The following KPNA3 variants were observed in gnomAD, a reference collection of about 807,000 sequenced individuals.
KPNA3 encodes the protein importin subunit alpha-4.
Under a neutral mutation model 73.8 loss-of-function variants are expected in KPNA3, and 13 were observed. The ratio of observed to expected loss-of-function variants is 0.18; its 90% CI spans 0.11 to 0.28. KPNA3 has a LOEUF of 0.28. KPNA3 is among the 10% of genes least tolerant of loss of function. KPNA3 has a pLI of 1.00. For synonymous variants in KPNA3, 186 were observed against 206.9 expected (o/e 0.90, Z 0.87); for missense variants, 360 against 618.1 (o/e 0.58, Z 4.43).
chr13:49,783,972 A>G (rs1954961129), intron 1 of KPNA3, among the ~76,000 whole-genome samples: 1 of 152,214 alleles, frequency 6.6e-6, no homozygotes, highest in Admixed American at 6.5e-5. Context: ...TCCAGTTTAG[A>G]CTGGGCTCAG....
At chr13:49,773,253 G>T (rs1279970552) in intron 1 of KPNA3, among the ~76,000 whole-genome samples, 1 of 152,092 alleles carries the variant, frequency 6.6e-6, no homozygotes, top group Admixed American at 6.6e-5. Flanking sequence ...GGAACTTTTG[G>T]GAAGACAGAA....
At chr13:49,703,921 C>A (rs914803192) in intron 15 of KPNA3, among the ~76,000 whole-genome samples, 3 of 152,132 alleles carry the variant, frequency 2.0e-5, no homozygotes, top group African/African-American at 7.2e-5. Flanking sequence ...TATCCTATTA[C>A]TCCTATAGAC....
chr13:49,720,867 A>T (rs1472093511), intron 9 of KPNA3, among the ~76,000 whole-genome samples: 3 of 152,112 alleles, frequency 2.0e-5, no homozygotes, highest in South Asian at 4.1e-4. Context: ...TGTTTTAATT[A>T]GTAGATTTAA....
chr13:49,712,044 C>T (rs1254443031), intron 10 of KPNA3, among the ~76,000 whole-genome samples: 2 of 152,146 alleles, frequency 1.3e-5, no homozygotes, highest in African/African-American at 4.8e-5. Flanking sequence ...AGCCCACCTA[C>T]CAGCCCATTT....
intron 1 of KPNA3, among the ~76,000 whole-genome samples, chr13:49,753,472 TAGAG>T (rs1412676987): frequency 1.3e-5 from 2 of 152,192 alleles, no homozygotes; most frequent in Non-Finnish European, 2.9e-5. Context: ...AAGAATCTAA[TAGAG>T]AATGGTCACC....
chr13:49,769,120 T>C (rs1410371264), intron 1 of KPNA3, among the ~76,000 whole-genome samples: 4 of 151,914 alleles, frequency 2.6e-5, no homozygotes, highest in African/African-American at 9.7e-5. Context: ...TTTGTCCAGA[T>C]ATTATCATTG....
At chr13:49,755,665 C>T (rs1213884303) in intron 1 of KPNA3, among the ~76,000 whole-genome samples, 1 of 152,150 alleles carries the variant, frequency 6.6e-6, no homozygotes, top group Non-Finnish European at 1.5e-5. Context: ...GTGGTGCACA[C>T]CTGTAGTCCC....
intron 2 of KPNA3, among the ~76,000 whole-genome samples, chr13:49,743,578 C>T (rs1401289308): frequency 2.1e-5 from 2 of 94,212 alleles, no homozygotes; most frequent in East Asian, 2.7e-4. Flanking sequence ...TAATGTTAGC[C>T]AAAAAAAAAA....
At chr13:49,755,549 C>A (rs1428593828) in intron 1 of KPNA3, among the ~76,000 whole-genome samples, 1 of 152,186 alleles carries the variant, frequency 6.6e-6, no homozygotes, top group Non-Finnish European at 1.5e-5. Flanking sequence ...GTAATCCCAG[C>A]ACTTTGGGAG....
chr13:49,720,324 T>C (rs1402095232), intron 9 of KPNA3, among the ~76,000 whole-genome samples: 2 of 152,208 alleles, frequency 1.3e-5, no homozygotes, highest in Admixed American at 1.3e-4. Flanking sequence ...AGTACAAAGC[T>C]TTGCTTGTTA....
In KPNA3 at chr13:49,733,073, G is replaced by GAAGT. The variant is rs758833721; in HGVS notation, c.115-31_115-28dup. The GAAGT allele has an allele frequency of 1.1e-4, 148 of 1,388,810 alleles. No individual in the cohort carries two copies. The African/African-American group carries it at 1.8e-3, about 17-fold the overall frequency. 86.0% of individuals were successfully genotyped at this position (1,388,810 alleles called of 1,614,324 possible). On this transcript the variant is annotated intron_variant, in intron 2 of 16. Transcript: ENST00000261667. Reference sequence around the variant, plus strand: ...TGAAAGGCAACCAATAAATGCTTAAGAAGTCATAAGGACTACTGTTAATGA... The same window carrying GAAGT: ...TGAAAGGCAACCAATAAATGCTTAAGAAGTAAGTCATAAGGACTACTGTTAATGA...
chr13:49,725,306 A>T, intron 7 of KPNA3, 110 bp downstream of exon 7: 1 of 520,638 alleles, frequency 1.9e-6, no homozygotes, highest in East Asian at 3.3e-5. Context: ...AGTAACTTAT[A>T]AAAGTCATCA....
In KPNA3 at chr13:49,721,977, G is replaced by A. The variant is rs1217923463; in HGVS notation, c.704C>T (p.Pro235Leu). ...VNLCRNKDPPPPMETVQEILP... is the reference protein window; with the variant it reads ...VNLCRNKDPPLPMETVQEILP... ...TACCTCCTGAACTGTCTCCATAGGC[G>A]GCGGGGGATCCTTATTCCTGCAGAG... is the stretch of plus-strand genomic sequence containing the variant. Residue 235 changes from proline to leucine, a missense_variant, in exon 9 of 17, where the codon CCG becomes CTG. This residue lies in a region of KPNA3 where 287 missense variants were observed against 549.1 expected (regional missense o/e 0.52). Transcript: ENST00000261667. 3.8e-6 allele frequency: 6 copies of A among 1,599,658 alleles called. No individual in the cohort carries two copies. The highest frequency in any genetic ancestry group is 5.1e-6 in the Non-Finnish European group (6 of 1,172,976).
intron 1 of KPNA3, among the ~76,000 whole-genome samples, chr13:49,783,810 C>T (rs2137606293): frequency 6.6e-6 from 1 of 152,256 alleles, no homozygotes; most frequent in South Asian, 2.1e-4. Flanking sequence ...ACATTGATGG[C>T]ATTAAACTAT....
intron 2 of KPNA3, among the ~76,000 whole-genome samples, chr13:49,737,046 T>C (rs1954528237): frequency 6.6e-6 from 1 of 152,226 alleles, no homozygotes; most frequent in Admixed American, 6.5e-5. Context: ...TATTGCCAAA[T>C]AGTATTTCAT....
chr13:49,746,908 A>G (rs1954621738), intron 2 of KPNA3, 41 bp downstream of exon 2: 2 of 1,491,256 alleles, frequency 1.3e-6, no homozygotes, highest in Non-Finnish European at 1.9e-6. Flanking sequence ...TTAACATCAG[A>G]AAAATCTAAT....
chr13:49,731,770 C>T (rs1450117027), intron 6 of KPNA3, among the ~76,000 whole-genome samples: 1 of 152,110 alleles, frequency 6.6e-6, no homozygotes, highest in Non-Finnish European at 1.5e-5. Flanking sequence ...TATCACTAAA[C>T]AAAAATGGAA....
At chr13:49,737,597 G>A (rs987954716) in intron 2 of KPNA3, among the ~76,000 whole-genome samples, 18 of 136,698 alleles carry the variant, frequency 1.3e-4, no homozygotes, top group Non-Finnish European at 2.6e-4. Flanking sequence ...GTGTGTGTGT[G>A]TGTGTGTGTG....
chr13:49,702,580 G>T, intron 15 of KPNA3, 100 bp from the exon 16 acceptor site: 1 of 593,592 alleles, frequency 1.7e-6, no homozygotes, highest in Non-Finnish European at 2.9e-6. Flanking sequence ...AAGGAACTCA[G>T]AACACACTGC....
Sources: allele counts gnomAD v4.1 joint callset (sites outside exome capture counted in the v4.1 genomes callset), GRCh38; gene constraint gnomAD v4.1.1; regional missense constraint gnomAD v4.1.1; transcripts MANE v1.5; gene names NCBI Gene and HGNC (gene_info 2026-07-23, HGNC 2026-07-21).